Variants in GOLIM4 observed in about 807,000 individuals in gnomAD.
GOLIM4 encodes the protein 130 kDa golgi-localized phosphoprotein.
Under a neutral mutation model 107.4 loss-of-function variants are expected in GOLIM4, and 71 were observed. That is an observed-to-expected ratio of 0.66 (90% CI 0.55 to 0.81). The LOEUF (loss-of-function observed/expected upper bound fraction) is 0.81. GOLIM4 is among the 30% of genes least tolerant of loss of function. The pLI, the probability that GOLIM4 is intolerant of heterozygous loss-of-function variation, is 0.00. For synonymous variants in GOLIM4, 327 were observed against 294.8 expected (o/e 1.11, Z -1.12); for missense variants, 830 against 826.1 (o/e 1.00, Z -0.06).
intron 13 of GOLIM4, 55 bp downstream of exon 13, chr3:168,024,873 G>T: frequency 6.6e-7 from 1 of 1,514,216 alleles, no homozygotes; most frequent in Non-Finnish European, 9.1e-7. Context: ...ACATAAACCA[G>T]ATGTTTCTTA....
chr3:168,040,686 C>T, intron 7 of GOLIM4, 100 bp downstream of exon 7: 2 of 697,034 alleles, frequency 2.9e-6, no homozygotes, highest in Admixed American at 2.3e-5. Context: ...TCCTAAGGAA[C>T]TCACTGAAGA....
intron 1 of GOLIM4, among the ~76,000 whole-genome samples, chr3:168,087,534 T>C (rs1408078170): frequency 1.3e-5 from 2 of 152,180 alleles, no homozygotes; most frequent in Non-Finnish European, 2.9e-5. Context: ...TCATCTTTCA[T>C]ACCAGCAGCA....
chr3:168,021,834 A>C (rs1380974210), intron 14 of GOLIM4, among the ~76,000 whole-genome samples: 4 of 152,200 alleles, frequency 2.6e-5, no homozygotes, highest in African/African-American at 9.7e-5. Flanking sequence ...AGTTACACTG[A>C]GGGAAATTAA....
chr3:168,054,761 C>T (rs1038653020), intron 1 of GOLIM4, among the ~76,000 whole-genome samples: 2 of 152,110 alleles, frequency 1.3e-5, no homozygotes, highest in Admixed American at 6.5e-5. Flanking sequence ...ATCTCATTAT[C>T]GTATCCCTGT....
chr3:168,086,105 AT>A (rs1232928730), intron 1 of GOLIM4, among the ~76,000 whole-genome samples: 2 of 152,170 alleles, frequency 1.3e-5, no homozygotes, highest in Non-Finnish European at 2.9e-5. Context: ...CATCAATACA[AT>A]TTAACTTGTT....
At chr3:168,041,546 T>C (rs1001234748) in intron 5 of GOLIM4, 72 bp from the exon 6 acceptor site, 5 of 727,092 alleles carry the variant, frequency 6.9e-6, no homozygotes, top group African/African-American at 1.8e-5. Context: ...TATTTTCATA[T>C]CTAAAGCCAC....
chr3:168,019,528 T>C (rs181261485), intron 14 of GOLIM4, among the ~76,000 whole-genome samples: 1 of 152,336 alleles, frequency 6.6e-6, no homozygotes, highest in Admixed American at 6.5e-5. Flanking sequence ...CTAATCATGA[T>C]TTAAAGGAAA....
intron 1 of GOLIM4, among the ~76,000 whole-genome samples, chr3:168,080,790 T>C (rs970407780): frequency 1.3e-5 from 2 of 151,546 alleles, no homozygotes; most frequent in African/African-American, 4.9e-5. Context: ...TAGATGTTTA[T>C]ATAAAATATT....
intron 1 of GOLIM4, among the ~76,000 whole-genome samples, chr3:168,072,738 G>T (rs933114442): frequency 6.6e-6 from 1 of 152,086 alleles, no homozygotes; most frequent in Non-Finnish European, 1.5e-5. Context: ...AGAAAAATTA[G>T]ATGAAGCAAC....
intron 1 of GOLIM4, among the ~76,000 whole-genome samples, chr3:168,056,957 T>G (rs185073329): frequency 1.3e-4 from 20 of 152,106 alleles, no homozygotes; most frequent in African/African-American, 4.6e-4. Context: ...TGTGAGGGCA[T>G]GAGATGTGGG....
At chr3:168,027,961 A>T in intron 11 of GOLIM4, 124 bp from the exon 12 acceptor site, 1 of 677,490 alleles carries the variant, frequency 1.5e-6, no homozygotes, top group Non-Finnish European at 2.7e-6. Context: ...TGTTAACTCA[A>T]CATAAGGCCT....
intron 1 of GOLIM4, among the ~76,000 whole-genome samples, chr3:168,074,809 T>G (rs1162900045): frequency 6.6e-6 from 1 of 152,132 alleles, no homozygotes; most frequent in Non-Finnish European, 1.5e-5. Flanking sequence ...TGGAAAACAG[T>G]AAACACAATT....
chr3:168,010,735 G>T lies in GOLIM4; in HGVS notation c.1941+8C>A. ...AGTGCTCAATAGAAATATGTATCCC[G>T]GTCATACATTTTCATCATTTTCACC... On this transcript the variant is annotated splice_region_variant and intron_variant, in intron 15 of 15. Transcript: ENST00000470487. 6.4e-7 allele frequency: 1 copy of T among 1,573,700 alleles called. No individual in the cohort carries two copies.
chr3:168,029,693 A>C, intron 10 of GOLIM4, 87 bp downstream of exon 10: 1 of 1,493,308 alleles, frequency 6.7e-7, no homozygotes, highest in South Asian at 1.3e-5. Flanking sequence ...TAACTTCATG[A>C]ATCACAAATG....
intron 1 of GOLIM4, among the ~76,000 whole-genome samples, chr3:168,053,056 T>C (rs753735216): frequency 2.0e-5 from 3 of 152,220 alleles, no homozygotes; most frequent in Non-Finnish European, 2.9e-5. Flanking sequence ...ATATTTTCCA[T>C]GCAACCAGGA....
At chr3:168,020,697 GA>G (rs1261862677) in intron 14 of GOLIM4, among the ~76,000 whole-genome samples, 1 of 152,116 alleles carries the variant, frequency 6.6e-6, no homozygotes. Flanking sequence ...ACCCACAAAT[GA>G]AAATTTTGTA....
At chr3:168,075,286 GTTTTTTTTTTTTTTT>G (rs374374393) in intron 1 of GOLIM4, among the ~76,000 whole-genome samples, 1 of 94,224 alleles carries the variant, frequency 1.1e-5, no homozygotes, top group Admixed American at 1.1e-4. Context: ...ACATTCACTA[GTTTTTTTTTTTTTTT>G]TTTTTTTTTT....
chr3:168,040,988 A>G, intron 6 of GOLIM4, 119 bp from the exon 7 acceptor site: 2 of 668,944 alleles, frequency 3.0e-6, no homozygotes, highest in Non-Finnish European at 5.3e-6. Context: ...TTGTAGCAGC[A>G]TGTGTTAAGT....
At chr3:168,081,226 T>C (rs879700618) in intron 1 of GOLIM4, among the ~76,000 whole-genome samples, 3 of 151,924 alleles carry the variant, frequency 2.0e-5, no homozygotes, top group Admixed American at 1.3e-4. Flanking sequence ...AGAGAAAGGG[T>C]AGTGAAGCTG....
Sources: gnomAD v4.1 joint callset for allele counts (sites outside exome capture counted in the v4.1 genomes callset) on GRCh38, gnomAD v4.1.1 for gene constraint, MANE v1.5 for transcripts, NCBI Gene and HGNC (gene_info 2026-07-23, HGNC 2026-07-21) for gene names.